KLF8: variants seen among roughly 807,000 people sequenced by gnomAD.
KLF8 encodes the protein KLF transcription factor 8.
Under a neutral mutation model 18.2 loss-of-function variants are expected in KLF8, and 10 were observed. That is an observed-to-expected ratio of 0.55 (90% CI 0.34 to 0.93). KLF8 has a LOEUF of 0.93. Among genes scored for constraint, KLF8 ranks in the 40% least tolerant of loss-of-function variants. The pLI, the probability that KLF8 is intolerant of heterozygous loss-of-function variation, is 0.02. For missense variants in KLF8, 264 were observed against 277.9 expected (o/e 0.95, Z 0.36); for synonymous variants, 109 against 97.3 (o/e 1.12, Z -0.71).
At chrX:55,969,113 G>C in the KLF8 span, among the ~76,000 whole-genome samples, 1 of 111,865 alleles carries the variant, frequency 8.9e-6, no homozygotes, top group East Asian at 2.8e-4. Flanking sequence ...GGATCTAATA[G>C]ATATTTACAG....
intron 2 of KLF8, among the ~76,000 whole-genome samples, chrX:56,264,033 C>G (rs2066923739): frequency 9.0e-6 from 1 of 111,367 alleles, no homozygotes; most frequent in Non-Finnish European, 1.9e-5. Context: ...TTTAAAACTC[C>G]CATAATTCAA....
At chrX:56,182,254 G>A in the KLF8 span, among the ~76,000 whole-genome samples, 16 of 111,869 alleles carry the variant, frequency 1.4e-4, no homozygotes, top group South Asian at 7.4e-4. Flanking sequence ...TGATCGAATC[G>A]GCTACTGAAG....
the KLF8 span, among the ~76,000 whole-genome samples, chrX:56,069,569 T>C: frequency 9.1e-6 from 1 of 110,493 alleles, no homozygotes; most frequent in Non-Finnish European, 1.9e-5. Flanking sequence ...GCCAGGTGAG[T>C]CATGCCTGAT....
the KLF8 span, among the ~76,000 whole-genome samples, chrX:55,988,920 C>A: frequency 9.0e-6 from 1 of 111,403 alleles, no homozygotes; most frequent in African/African-American, 3.3e-5. Context: ...TCCTCCACAT[C>A]CCTTGTAAGT....
the KLF8 span, among the ~76,000 whole-genome samples, chrX:56,058,269 C>CATAT: frequency 6.3e-5 from 1 of 15,959 alleles, no homozygotes; most frequent in African/African-American, 2.1e-4. Context: ...CATATATATA[C>CATAT]ATATATATAC....
the KLF8 span, among the ~76,000 whole-genome samples, chrX:56,110,837 T>C: frequency 8.9e-6 from 1 of 111,762 alleles, no homozygotes; most frequent in South Asian, 3.7e-4. Flanking sequence ...GTCTTTTAAA[T>C]CTTATTGTAA....
chrX:55,931,982 CTAT>C, the KLF8 span, among the ~76,000 whole-genome samples: 1 of 110,176 alleles, frequency 9.1e-6, no homozygotes, highest in Non-Finnish European at 1.9e-5. Context: ...ATATCTCCCA[CTAT>C]TATTGTGTGG....
At chrX:56,202,314 TGTATATATTTATGAG>T in the KLF8 span, among the ~76,000 whole-genome samples, 1 of 110,245 alleles carries the variant, frequency 9.1e-6, no homozygotes, top group East Asian at 2.8e-4. Context: ...ACATAGTAGG[TGTATATATTTATGAG>T]GTATATGAAA....
chrX:55,974,008 A>G, the KLF8 span, among the ~76,000 whole-genome samples: 4 of 112,048 alleles, frequency 3.6e-5, no homozygotes, highest in Non-Finnish European at 7.5e-5. Context: ...CAGGCATAAA[A>G]TACAAAACAA....
At chrX:56,001,305 C>G in the KLF8 span, among the ~76,000 whole-genome samples, 1 of 112,129 alleles carries the variant, frequency 8.9e-6, no homozygotes, top group East Asian at 2.8e-4. Flanking sequence ...ATTCATCATG[C>G]CTTAGCAGCC....
the KLF8 span, among the ~76,000 whole-genome samples, chrX:55,934,546 C>T: frequency 8.9e-6 from 1 of 111,961 alleles, no homozygotes; most frequent in African/African-American, 3.2e-5. Context: ...AAAGTTATTC[C>T]ATTGAATAGT....
At chrX:55,943,371 A>G in the KLF8 span, among the ~76,000 whole-genome samples, 1 of 110,542 alleles carries the variant, frequency 9.0e-6, no homozygotes, top group East Asian at 2.8e-4. Flanking sequence ...GTACAGGGAG[A>G]AGAAAAGAGA....
intron 1 of KLF8, among the ~76,000 whole-genome samples, chrX:56,244,274 A>G (rs1160309288): frequency 1.8e-5 from 2 of 111,723 alleles, no homozygotes; most frequent in Non-Finnish European, 3.8e-5. Context: ...CGGTGGCACA[A>G]TCATAGCTCA....
the KLF8 span, among the ~76,000 whole-genome samples, chrX:56,189,944 A>C: frequency 9.4e-6 from 1 of 106,601 alleles, no homozygotes; most frequent in Admixed American, 1.0e-4. Flanking sequence ...TGGGTGCAGC[A>C]CACCAGCATG....
chrX:56,288,365 C>T lies in KLF8; in HGVS notation c.*3871C>T, dbSNP rs1359007863. Among the ~76,000 whole-genome samples, 2 of 111,550 alleles carry T rather than the reference C, an allele frequency of 1.8e-5. No individual in the cohort carries two copies. The highest frequency in any genetic ancestry group is 7.7e-4 in the South Asian group (2 of 2,610). On this transcript the variant is annotated 3_prime_UTR_variant, in exon 6 of 6. Transcript: ENST00000468660. ...CTTTCCTTGTTTTCAGTGACCTTGA[C>T]ACTTTTGAGAGAGATTTTCCTCAAC...
the KLF8 span, among the ~76,000 whole-genome samples, chrX:55,911,648 A>C: frequency 1.8e-5 from 2 of 111,745 alleles, no homozygotes. Context: ...AGTGCGAGGA[A>C]GGGAATTGAG....
chrX:56,154,797 T>C, the KLF8 span, among the ~76,000 whole-genome samples: 3 of 111,618 alleles, frequency 2.7e-5, no homozygotes, highest in East Asian at 2.8e-4. Flanking sequence ...GGGCAAAGGA[T>C]ATGAACAGAC....
the KLF8 span, among the ~76,000 whole-genome samples, chrX:56,183,997 C>T: frequency 9.0e-6 from 1 of 111,199 alleles, no homozygotes; most frequent in Non-Finnish European, 1.9e-5. Context: ...GATCATCTCA[C>T]TAGGGAGTGC....
chrX:56,049,910 G>A, the KLF8 span, among the ~76,000 whole-genome samples: 5 of 108,165 alleles, frequency 4.6e-5, no homozygotes, highest in Admixed American at 2.0e-4. Context: ...ACTCTTTTTG[G>A]TTGGTAAGCT....
Sources: allele counts gnomAD v4.1 joint callset (sites outside exome capture counted in the v4.1 genomes callset), GRCh38; gene constraint gnomAD v4.1.1; transcripts MANE v1.5; gene names NCBI Gene and HGNC (gene_info 2026-07-23, HGNC 2026-07-21).